Variants in AVPR1B observed in about 807,000 individuals in gnomAD.
The protein encoded by AVPR1B is arginine vasopressin receptor 1B, also known as vasopressin V1b receptor.
Under a neutral mutation model 27.5 loss-of-function variants are expected in AVPR1B, and 25 were observed. That is an observed-to-expected ratio of 0.91 (90% CI 0.66 to 1.27). The LOEUF is 1.27. Among genes scored for constraint, AVPR1B ranks in the 50% most tolerant of loss-of-function variants. The pLI, the probability that AVPR1B is intolerant of heterozygous loss-of-function variation, is 0.00. For synonymous variants in AVPR1B, 248 were observed against 240.2 expected (o/e 1.03, Z -0.30); for missense variants, 595 against 556.9 (o/e 1.07, Z -0.69).
intron 1 of AVPR1B, 25 bp downstream of exon 1, chr1:206,115,926 C>G: frequency 6.4e-7 from 1 of 1,563,608 alleles, no homozygotes; most frequent in South Asian, 1.2e-5. Flanking sequence ...TCCCACCTCA[C>G]TGCCCCCACA....
At position 206,110,431 on chromosome 1, in the gene AVPR1B, G is replaced by C. The variant is rs1188578991; in HGVS notation, c.1033C>G (p.Leu345Val). 1 of 1,613,988 alleles carries C rather than the reference G, an allele frequency of 6.2e-7. No homozygotes were observed. Among genetic ancestry groups the C allele is most frequent in the Non-Finnish European group, 8.5e-7 (1 of 1,179,960 alleles). The change falls in exon 2 of 2, where the codon CTG becomes GTG. Residue 345 changes from leucine to valine, a missense_variant. By Grantham distance (32) the Leu-to-Val change is conservative. Transcript: ENST00000367126. ...PWIYMGFNSHLLPRPLRHLAC... is the reference protein window; with the variant it reads ...PWIYMGFNSHVLPRPLRHLAC... ...AGGTGACGCAGGGGCCGCGGTAACA[G>C]GTGGCTGTTGAAGCCCATGTAGATC...
chr1:206,113,154 T>C (rs1032952155), intron 1 of AVPR1B, among the ~76,000 whole-genome samples: 28 of 152,138 alleles, frequency 1.8e-4, no homozygotes, highest in Admixed American at 9.2e-4. Flanking sequence ...CAGGCCTTGG[T>C]AGGGGCTGGA....
chr1:206,108,244 G>A lies in AVPR1B; in HGVS notation c.*1945C>T, dbSNP rs1420389025. 6.6e-6 allele frequency among the ~76,000 whole-genome samples: 1 copy of A among 152,236 alleles called. No homozygotes were observed. Among genetic ancestry groups the A allele is most frequent in the East Asian group, 1.9e-4 (1 of 5,198 alleles). On this transcript the variant is annotated 3_prime_UTR_variant, in exon 2 of 2. Transcript: ENST00000367126. ...GATAGACAGGGAAGAAGTATTAGAT[G>A]TCAGGGGCTGACATGGGCAACAGAA... is the stretch of plus-strand genomic sequence containing the variant.
intron 1 of AVPR1B, among the ~76,000 whole-genome samples, chr1:206,111,540 A>C (rs1407542270): frequency 6.6e-6 from 1 of 152,200 alleles, no homozygotes; most frequent in African/African-American, 2.4e-5. Flanking sequence ...TAAGCTTTCT[A>C]GTTTTTATAG....
At chr1:206,115,855 C>T in intron 1 of AVPR1B, 96 bp downstream of exon 1, 1 of 1,263,734 alleles carries the variant, frequency 7.9e-7, no homozygotes, top group Non-Finnish European at 1.1e-6. Context: ...AGTTTGTCAC[C>T]TGCCTGGCCC....
chr1:206,116,186 CTG>C lies in AVPR1B; in HGVS notation c.703_704del (p.Gln235GlyfsTer77), dbSNP rs782071630. On this transcript the variant is annotated frameshift_variant, in exon 1 of 2. Coordinates refer to ENST00000367126, the MANE Select transcript of AVPR1B (RefSeq NM_000707.5). LOFTEE classifies it high-confidence loss of function. ...EICKNLKVKT[Q>X]AWRVGGGGWR... is the part of the protein sequence containing the mutation. ...AGCCCCCTCCTCCCACCCGCCAGGC[CTG>C]TGTCTTGACTTTTAGGTTTTTACAG... 2.7e-5 allele frequency: 44 copies of C among 1,613,912 alleles called. No individual in the cohort carries two copies. Among genetic ancestry groups the C allele is most frequent in the Non-Finnish European group, 3.7e-5 (44 of 1,180,036 alleles).
intron 1 of AVPR1B, among the ~76,000 whole-genome samples, 173 bp from the exon 2 acceptor site, chr1:206,110,696 G>GA (rs2102337211): frequency 6.6e-6 from 1 of 152,300 alleles, no homozygotes; most frequent in East Asian, 1.9e-4. Flanking sequence ...TTGAACCTGG[G>GA]ACTCCTGGCT....
At position 206,116,869 on chromosome 1, in the gene AVPR1B, C is replaced by T. The variant is rs369461502; in HGVS notation, c.22G>A (p.Asp8Asn). 7 of 1,611,808 alleles carry T rather than the reference C, an allele frequency of 4.3e-6. No individual in the cohort carries two copies. The African/African-American group carries it at 9.3e-5, about 22-fold the overall frequency. The change falls in exon 1 of 2, where the codon GAT becomes AAT. Residue 8 changes from aspartate (D) to asparagine (N), a missense_variant. Physicochemically the swap from Asp to Asn is conservative, Grantham distance 23. Transcript: ENST00000367126. ...GTGCCCCGAGGGGTGGGGTTGGCAT[C>T]CCACAGAGGCCCAGAATCCATGAGC... MDSGPLWDANPTPRGTLS... is the reference protein window; with the variant it reads MDSGPLWNANPTPRGTLS...
chr1:206,112,197 A>AGAAAAAAAAAAGAGAGACAGG (rs1663393178), intron 1 of AVPR1B, among the ~76,000 whole-genome samples: 2 of 148,968 alleles, frequency 1.3e-5, no homozygotes, highest in Non-Finnish European at 2.9e-5. Context: ...CTCCATCTCA[A>AGAAAAAAAAAAGAGAGACAGG]GAAAAAAAAA....
chr1:206,111,203 C>G (rs1663370958), intron 1 of AVPR1B, among the ~76,000 whole-genome samples: 1 of 152,218 alleles, frequency 6.6e-6, no homozygotes, highest in African/African-American at 2.4e-5. Flanking sequence ...GGCCTCCAAG[C>G]ACCCCTCTCC....
chr1:206,116,911 G>C lies in AVPR1B; in HGVS notation c.-21C>G. 6.3e-7 allele frequency: 1 copy of C among 1,584,662 alleles called. No individual in the cohort carries two copies. Among genetic ancestry groups the C allele is most frequent in the South Asian group, 1.2e-5 (1 of 86,956 alleles). On this transcript the variant is annotated 5_prime_UTR_variant, in exon 1 of 2. Coordinates refer to ENST00000367126, the MANE Select transcript of AVPR1B (RefSeq NM_000707.5). ...TCCATGAGCAAGGTTTGCTGGGAGG[G>C]AAGGATGAAGGGAGGGTGTGGATGC...
chr1:206,110,622 G>C, intron 1 of AVPR1B, 99 bp from the exon 2 acceptor site: 1 of 1,062,682 alleles, frequency 9.4e-7, no homozygotes, highest in Non-Finnish European at 1.3e-6. Flanking sequence ...AGGAAACTGA[G>C]TCCTAGAGAG....
rs1327930898 is a variant in AVPR1B at position 206,116,392 on chromosome 1, G to A, written c.499C>T (p.Pro167Ser). ...PWLLAAIFSL[P>S]QVFIFSLREV... is the part of the protein sequence containing the mutation. ...CGCAGGGAAAAAATGAAGACTTGAG[G>A]GAGGCTGAAGATGGCGGCCAGCAGC... The change falls in exon 1 of 2, where the codon CCT (proline) becomes TCT (serine). Residue 167 changes from proline (P) to serine (S), a missense_variant. Transcript: ENST00000367126. 3 of 1,613,822 alleles carry A rather than the reference G, an allele frequency of 1.9e-6. No individual in the cohort carries two copies. Among genetic ancestry groups the A allele is most frequent in the Non-Finnish European group, 2.5e-6 (3 of 1,180,054 alleles).
intron 1 of AVPR1B, among the ~76,000 whole-genome samples, chr1:206,112,697 C>T (rs1663399826): frequency 6.6e-6 from 1 of 152,054 alleles, no homozygotes; most frequent in Admixed American, 6.5e-5. Flanking sequence ...CACTGTTTCC[C>T]AGGCTGGTTT....
chr1:206,113,022 G>A (rs1244482139), intron 1 of AVPR1B, among the ~76,000 whole-genome samples: 6 of 152,142 alleles, frequency 3.9e-5, no homozygotes, highest in Non-Finnish European at 8.8e-5. Context: ...TTGGCTGAGG[G>A]GACAGTATTC....
rs1553289684 is a variant in AVPR1B, at chr1:206,110,490, A to C, written c.974T>G (p.Leu325Arg). ...GCAGCAGCTGTTGAGGTTGCCCAAAAGCATAGAGATGGTGAAAGCCACATT... is the reference window on the plus strand; with the variant it reads ...GCAGCAGCTGTTGAGGTTGCCCAAACGCATAGAGATGGTGAAAGCCACATT... ...STNVAFTISMLLGNLNSCCNP... is the reference protein window; with the variant it reads ...STNVAFTISMRLGNLNSCCNP... Residue 325 changes from leucine (L) to arginine (R), a missense_variant, in exon 2 of 2, where the codon CTT (leucine) becomes CGT (arginine). Transcript: ENST00000367126. The C allele has an allele frequency of 1.2e-6, 2 of 1,612,564 alleles. No homozygotes were observed. The highest frequency in any genetic ancestry group is 1.7e-6 in the Non-Finnish European group (2 of 1,178,984).
At chr1:206,110,568 G>A in intron 1 of AVPR1B, 45 bp from the exon 2 acceptor site, 4 of 1,523,700 alleles carry the variant, frequency 2.6e-6, no homozygotes, top group Non-Finnish European at 3.6e-6. Flanking sequence ...GCAGCTCGAA[G>A]GGACCTGGGA....
At position 206,110,267 on chromosome 1, in the gene AVPR1B, C is replaced by T. The variant is rs1553289570; in HGVS notation, c.1197G>A (p.Gly399=). 1.2e-6 allele frequency: 2 copies of T among 1,614,072 alleles called. No individual in the cohort carries two copies. The highest frequency in any genetic ancestry group is 4.5e-5 in the East Asian group (2 of 44,870). Residue 399 remains glycine (G), a synonymous_variant, in exon 2 of 2, where the codon GGG becomes GGA. Transcript: ENST00000367126. ...LSLSLSLTLS[G]RPRPEESPRD... The stretch of plus-strand genomic sequence containing the variant: ...TTGGTGACTCTTCAGGCCTGGGCCT[C>T]CCACTGAGGGTTAGGCTGAGGCTGA...
intron 1 of AVPR1B, 67 bp downstream of exon 1, chr1:206,115,884 T>C (rs946672011): frequency 2.7e-6 from 4 of 1,495,656 alleles, no homozygotes; most frequent in Non-Finnish European, 3.6e-6. Context: ...ATTGTAACCC[T>C]GACCTAATCC....
Sources: allele counts gnomAD v4.1 joint callset (sites outside exome capture counted in the v4.1 genomes callset), GRCh38; gene constraint gnomAD v4.1.1; transcripts MANE v1.5; gene names NCBI Gene and HGNC (gene_info 2026-07-23, HGNC 2026-07-21).